RAB31: variants seen among roughly 807,000 people sequenced by gnomAD.
RAB31 encodes RAB31, member RAS oncogene family, also known as ras-related protein Rab-31.
Under a neutral mutation model 25.6 loss-of-function variants are expected in RAB31, and 21 were observed. The observed-to-expected ratio is 0.82, with a 90% CI of 0.58 to 1.18. The LOEUF is 1.18. Ranked by LOEUF, RAB31 falls within the 50% of genes most tolerant of loss-of-function variation. RAB31 has a pLI of 0.00. For missense variants in RAB31, 196 were observed against 250.1 expected (o/e 0.78, Z 1.46); for synonymous variants, 87 against 84.0 (o/e 1.04, Z -0.20).
At chr18:9,769,573 TA>T (rs983948715) in intron 1 of RAB31, among the ~76,000 whole-genome samples, 1 of 152,242 alleles carries the variant, frequency 6.6e-6, no homozygotes, top group Non-Finnish European at 1.5e-5. Flanking sequence ...CTTATCAGCT[TA>T]AGGAGATTTT....
intron 5 of RAB31, among the ~76,000 whole-genome samples, chr18:9,838,757 C>T (rs1165619551): frequency 6.6e-6 from 1 of 152,186 alleles, no homozygotes; most frequent in African/African-American, 2.4e-5. Context: ...GCTCACCTCG[C>T]TGGAATACAG....
chr18:9,850,578 A>T (rs1264268151), intron 6 of RAB31, among the ~76,000 whole-genome samples: 1 of 152,244 alleles, frequency 6.6e-6, no homozygotes, highest in Non-Finnish European at 1.5e-5. Flanking sequence ...GCTCCAGTTA[A>T]TTTAAGTGTT....
intron 6 of RAB31, among the ~76,000 whole-genome samples, chr18:9,847,338 G>A (rs538645096): frequency 2.6e-5 from 4 of 152,238 alleles, no homozygotes; most frequent in South Asian, 2.1e-4. Flanking sequence ...TTACAGCCCC[G>A]CGTCTTCCGC....
At position 9,826,174 on chromosome 18, in the gene RAB31, C is replaced by A. The variant is rs375832798; in HGVS notation, c.380+10952C>A. Among the ~76,000 whole-genome samples, 306 of 149,632 alleles carry A rather than the reference C, an allele frequency of 2.0e-3. 18 individuals are homozygous for A. The South Asian group carries it at 0.064, about 31-fold the overall frequency. The stretch of plus-strand genomic sequence containing the variant: ...GGCAGCTTACCTGAGGTTGGGAGTT[C>A]AAGACCAGCCTGGCCAACATGATGA... On this transcript the variant is annotated intron_variant, in intron 5 of 6. Transcript: ENST00000578921.
At chr18:9,723,740 C>T (rs947876186) in intron 1 of RAB31, 1 of 152,118 alleles carries the variant, frequency 6.6e-6, no homozygotes, top group Non-Finnish European at 1.5e-5. Context: ...GAGAGCAAAA[C>T]CAAATAAGCC....
chr18:9,801,896 G>A (rs1203571469), intron 3 of RAB31, among the ~76,000 whole-genome samples: 4 of 152,168 alleles, frequency 2.6e-5, no homozygotes. Context: ...TTCCTTGCAG[G>A]CAGCTGTCCA....
rs763289615 is a variant in RAB31, at chr18:9,830,016, T to TAATA, written c.380+14795_380+14796insATAA. Among the ~76,000 whole-genome samples, 1,010 of 151,084 alleles carry TAATA rather than the reference T, an allele frequency of 6.7e-3. 11 individuals carry two copies. Among genetic ancestry groups the TAATA allele is most frequent in the Admixed American group, 0.01 (153 of 15,186 alleles). Reference sequence around the variant, plus strand: ...TTTTGCTTTTAAAAAATATTATTATTATTATTATTATTTTAGAGATAGGGT... The same window carrying TAATA: ...TTTTGCTTTTAAAAAATATTATTATTAATAATTATTATTATTTTAGAGATAGGGT... On this transcript the variant is annotated intron_variant, in intron 5 of 6. Transcript: ENST00000578921.
chr18:9,729,657 AC>A (rs1356886226), intron 1 of RAB31, among the ~76,000 whole-genome samples: 2 of 102,546 alleles, frequency 2.0e-5, no homozygotes, highest in Non-Finnish European at 4.0e-5. Flanking sequence ...CCCCTCCCCC[AC>A]CCCCCTCTAA....
intron 1 of RAB31, among the ~76,000 whole-genome samples, chr18:9,750,119 G>A (rs1000460157): frequency 5.9e-5 from 9 of 152,174 alleles, no homozygotes; most frequent in Admixed American, 5.2e-4. Context: ...CTGTGGAGGC[G>A]TGGGCAGCGA....
rs934720943 is a variant in RAB31, at chr18:9,781,763, A to G, written c.119+6406A>G. ...TCTGGAATTTTGAGAAAATGTTTTC[A>G]AACACCAGTTGCAGAAAAATAAAGC... On this transcript the variant is annotated intron_variant, in intron 2 of 6. Coordinates refer to ENST00000578921, the MANE Select transcript of RAB31 (RefSeq NM_006868.4). Among the ~76,000 whole-genome samples, 4 of 152,354 alleles carry G rather than the reference A, an allele frequency of 2.6e-5. No homozygotes were observed. In the East Asian group the frequency reaches 7.7e-4, roughly 29 times the overall value.
chr18:9,773,867 C>T (rs530960667), intron 1 of RAB31, among the ~76,000 whole-genome samples: 1 of 152,140 alleles, frequency 6.6e-6, no homozygotes. Flanking sequence ...TGCTATGTTG[C>T]CCAGGCTGGC....
intron 6 of RAB31, among the ~76,000 whole-genome samples, chr18:9,846,190 T>C (rs1485046614): frequency 6.6e-6 from 1 of 152,164 alleles, no homozygotes; most frequent in Non-Finnish European, 1.5e-5. Context: ...ACCCCATGTG[T>C]CTGGTGAGCT....
chr18:9,721,666 G>T (rs1440951212), intron 1 of RAB31, among the ~76,000 whole-genome samples: 1 of 151,820 alleles, frequency 6.6e-6, no homozygotes, highest in African/African-American at 2.4e-5. Flanking sequence ...ATGTGATTCT[G>T]CAGCACATGC....
intron 2 of RAB31, among the ~76,000 whole-genome samples, chr18:9,778,633 G>T (rs1300789802): frequency 6.6e-6 from 1 of 152,146 alleles, no homozygotes; most frequent in Admixed American, 6.6e-5. Context: ...ACCATGCCCA[G>T]CTAATTTTTG....
At chr18:9,787,616 C>A in intron 2 of RAB31, 1 of 163,296 alleles carries the variant, frequency 6.1e-6, no homozygotes. Flanking sequence ...ATGAGTGTGG[C>A]AAGGTCTTCA....
chr18:9,812,037 G>A (rs1445648842), intron 3 of RAB31, among the ~76,000 whole-genome samples: 1 of 152,188 alleles, frequency 6.6e-6, no homozygotes, highest in African/African-American at 2.4e-5. Context: ...CCCCTTTCTG[G>A]TATGCAGATA....
intron 1 of RAB31, among the ~76,000 whole-genome samples, chr18:9,770,648 G>A (rs180746801): frequency 6.6e-6 from 1 of 152,100 alleles, no homozygotes; most frequent in East Asian, 1.9e-4. Context: ...CACAGGTAGG[G>A]TTTTACTGTA....
intron 1 of RAB31, among the ~76,000 whole-genome samples, chr18:9,746,720 A>T (rs2068207614): frequency 6.6e-6 from 1 of 152,214 alleles, no homozygotes; most frequent in African/African-American, 2.4e-5. Flanking sequence ...CCACATGTTT[A>T]AGTTTAATCC....
At chr18:9,837,176 A>G (rs1219974482) in intron 5 of RAB31, among the ~76,000 whole-genome samples, 3 of 152,122 alleles carry the variant, frequency 2.0e-5, no homozygotes, top group Non-Finnish European at 4.4e-5. Flanking sequence ...AACGGGGGAA[A>G]ACATGAGAAG....
Sources: allele counts gnomAD v4.1 joint callset (sites outside exome capture counted in the v4.1 genomes callset), GRCh38; gene constraint gnomAD v4.1.1; transcripts MANE v1.5; gene names NCBI Gene and HGNC (gene_info 2026-07-23, HGNC 2026-07-21).